Variants in PTK2 observed in about 807,000 individuals in gnomAD.
PTK2 encodes the protein protein tyrosine kinase 2.
In PTK2, 45 loss-of-function variants were observed where a neutral mutation model predicts 150.1. The ratio of observed to expected loss-of-function variants is 0.30; its 90% CI spans 0.24 to 0.38. The LOEUF (loss-of-function observed/expected upper bound fraction) is 0.38, where lower values mean the gene tolerates loss of function less well. Ranked by LOEUF, PTK2 falls within the 10% of genes least tolerant of loss-of-function variation. PTK2 has a pLI of 1.00. For missense variants in PTK2, 919 were observed against 1,307.3 expected, an observed-to-expected ratio of 0.70 and a Z score of 4.58; for synonymous variants, 432 against 449.2, an observed-to-expected ratio of 0.96 and a Z score of 0.48.
intron 14 of PTK2, 142 bp from the exon 16 acceptor site, chr8:140,769,734 C>T (rs908968398): frequency 7.0e-5 from 27 of 385,856 alleles, no homozygotes; most frequent in Non-Finnish European, 1.4e-5. Context: ...AAACAATTAC[C>T]CCCCAGGGTT....
chr8:140,840,184 G>A lies in PTK2; in HGVS notation c.593+6076C>T, dbSNP rs150756389. Among the ~76,000 whole-genome samples the A allele has an allele frequency of 5.7e-3, 862 of 152,206 alleles. 6 individuals are homozygous for A. Among genetic ancestry groups the A allele is most frequent in the African/African-American group, 0.02 (820 of 41,512 alleles). On this transcript the variant is annotated intron_variant, in intron 7 of 31. Coordinates refer to ENST00000522684, the Ensembl canonical transcript of PTK2. ...AGCAATCCTCCAGCCTCAGCCTCCCGACTAGGTGAGACCACAGCTGCGTGC... is the reference window on the plus strand; with the variant it reads ...AGCAATCCTCCAGCCTCAGCCTCCCAACTAGGTGAGACCACAGCTGCGTGC...
intron 29 of PTK2, 38 bp from the exon 33 acceptor site, chr8:140,669,773 T>C: frequency 6.6e-7 from 1 of 1,521,984 alleles, no homozygotes; most frequent in Non-Finnish European, 8.8e-7. Context: ...GTTAAAGGAA[T>C]TTATCAGAGA....
At chr8:140,924,584 T>C (rs1012444881) in intron 2 of PTK2, among the ~76,000 whole-genome samples, 2 of 152,170 alleles carry the variant, frequency 1.3e-5, no homozygotes, top group Non-Finnish European at 2.9e-5. Flanking sequence ...AAGGTATATG[T>C]ATATGCTGGA....
At chr8:140,758,875 G>A (rs972435244) in intron 16 of PTK2, among the ~76,000 whole-genome samples, 5 of 152,088 alleles carry the variant, frequency 3.3e-5, no homozygotes, top group African/African-American at 7.2e-5. Context: ...TGCCCTATAT[G>A]AGTGTACCGT....
chr8:140,900,294 C>T lies in PTK2; in HGVS notation c.-32-9525G>A, dbSNP rs1055933174. 1.3e-4 allele frequency among the ~76,000 whole-genome samples: 20 copies of T among 152,154 alleles called. 2 individuals carry two copies. Among genetic ancestry groups the T allele is most frequent in the Admixed American group, 9.8e-4 (15 of 15,278 alleles). ...AAGTAGCATTTATATACACCAACAA[C>T]GAACAATGTATAAAATAAATCAAGA... On this transcript the variant is annotated intron_variant, in intron 2 of 31. Coordinates refer to ENST00000522684, the Ensembl canonical transcript of PTK2.
At chr8:140,797,299 C>T (rs1595991533) in intron 12 of PTK2, among the ~76,000 whole-genome samples, 1 of 152,266 alleles carries the variant, frequency 6.6e-6, no homozygotes, top group African/African-American at 2.4e-5. Flanking sequence ...ACTGAATGAG[C>T]TGGAAGAACA....
chr8:140,713,453 G>C (rs140180266), intron 23 of PTK2, among the ~76,000 whole-genome samples: 1 of 152,274 alleles, frequency 6.6e-6, no homozygotes, highest in Non-Finnish European at 1.5e-5. Flanking sequence ...AGTTGAAACG[G>C]GGTTTTGCCA....
intron 14 of PTK2, among the ~76,000 whole-genome samples, chr8:140,789,010 T>C (rs1423537060): frequency 6.6e-6 from 1 of 152,192 alleles, no homozygotes; most frequent in Non-Finnish European, 1.5e-5. Context: ...CAGCAAATAG[T>C]TAAGACAATG....
intron 8 of PTK2, among the ~76,000 whole-genome samples, chr8:140,828,812 C>T (rs896976824): frequency 6.6e-6 from 1 of 152,230 alleles, no homozygotes; most frequent in Non-Finnish European, 1.5e-5. Flanking sequence ...ACTGAATCTC[C>T]CATTCTCCCA....
chr8:140,849,308 C>G (rs2100127660), intron 5 of PTK2, among the ~76,000 whole-genome samples: 1 of 152,200 alleles, frequency 6.6e-6, no homozygotes, highest in South Asian at 2.1e-4. Context: ...TATTCAGTGT[C>G]TCAATGCTCC....
intron 2 of PTK2, among the ~76,000 whole-genome samples, chr8:140,912,636 C>T (rs2100163658): frequency 6.6e-6 from 1 of 151,870 alleles, no homozygotes; most frequent in South Asian, 2.1e-4. Context: ...TCTCAGAAAC[C>T]TAAGAATTGA....
At chr8:140,768,872 C>T (rs144691429) in intron 14 of PTK2, among the ~76,000 whole-genome samples, 1 of 152,132 alleles carries the variant, frequency 6.6e-6, no homozygotes, top group South Asian at 2.1e-4. Context: ...TATCTCTATC[C>T]TATTACAAAA....
intron 1 of PTK2, among the ~76,000 whole-genome samples, chr8:140,936,114 T>C (rs920948376): frequency 2.0e-5 from 3 of 152,164 alleles, no homozygotes; most frequent in South Asian, 2.1e-4. Context: ...TGAGCTATGA[T>C]AGTGCTATTG....
chr8:140,984,658 C>G (rs1253464349), intron 1 of PTK2, among the ~76,000 whole-genome samples: 1 of 152,034 alleles, frequency 6.6e-6, no homozygotes, highest in Non-Finnish European at 1.5e-5. Context: ...GATCCCAAAC[C>G]AAAGGTAAAC....
intron 2 of PTK2, among the ~76,000 whole-genome samples, chr8:140,903,981 C>CCTTT (rs200092059): frequency 1.2e-4 from 18 of 151,878 alleles, no homozygotes; most frequent in Non-Finnish European, 2.2e-4. Flanking sequence ...ATTTGAATAT[C>CCTTT]CTTTCTTTCT....
chr8:140,854,365 T>C (rs1263333282), intron 5 of PTK2, among the ~76,000 whole-genome samples: 1 of 152,230 alleles, frequency 6.6e-6, no homozygotes, highest in African/African-American at 2.4e-5. Context: ...TGACTAAACA[T>C]GGACACTGGC....
intron 14 of PTK2, among the ~76,000 whole-genome samples, chr8:140,784,896 A>G (rs1161939979): frequency 1.3e-5 from 2 of 152,242 alleles, no homozygotes; most frequent in Non-Finnish European, 2.9e-5. Context: ...TGTCACTGCA[A>G]TCTTACTGAA....
At chr8:140,871,235 C>T (rs772310516) in intron 4 of PTK2, among the ~76,000 whole-genome samples, 92 of 152,142 alleles carry the variant, frequency 6.0e-4, no homozygotes, top group Non-Finnish European at 1.1e-3. Context: ...CAAAATTTCT[C>T]CACTAAATAA....
chr8:140,670,457 A>C (rs1470884555), intron 29 of PTK2, among the ~76,000 whole-genome samples: 2 of 8,908 alleles, frequency 2.2e-4, no homozygotes, highest in Admixed American at 1.6e-3. Flanking sequence ...ACTGTGTCTC[A>C]AAAAAAAAAA....
Sources: gnomAD v4.1 joint callset for allele counts (sites outside exome capture counted in the v4.1 genomes callset) on GRCh38, gnomAD v4.1.1 for gene constraint, MANE v1.5 for transcripts, NCBI Gene and HGNC (gene_info 2026-07-23, HGNC 2026-07-21) for gene names.